SGCD: variants seen among roughly 807,000 people sequenced by gnomAD.
SGCD encodes sarcoglycan delta, also known as delta-sarcoglycan.
Under a neutral mutation model 36.6 loss-of-function variants are expected in SGCD, and 18 were observed. The observed-to-expected ratio is 0.49, with a 90% CI of 0.34 to 0.73. The LOEUF is 0.73. Ranked by LOEUF, SGCD falls within the 30% of genes least tolerant of loss-of-function variation. The pLI, the probability that SGCD is intolerant of heterozygous loss-of-function variation, is 0.01. For missense variants in SGCD, 387 were observed against 346.7 expected (o/e 1.12, Z -0.92); for synonymous variants, 133 against 130.6 (o/e 1.02, Z -0.12).
intron 3 of SGCD, among the ~76,000 whole-genome samples, chr5:156,183,835 C>T (rs1230665954): frequency 6.6e-6 from 1 of 152,076 alleles, no homozygotes; most frequent in Non-Finnish European, 1.5e-5. Flanking sequence ...AGAGTTCAAT[C>T]CTCATCTTCT....
chr5:156,504,958 A>G (rs922290601), intron 3 of SGCD, among the ~76,000 whole-genome samples: 1 of 152,232 alleles, frequency 6.6e-6, no homozygotes, highest in African/African-American at 2.4e-5. Context: ...AAACATATCA[A>G]TGTCTTCTGA....
At chr5:156,156,166 G>A (rs1384017954) in intron 3 of SGCD, among the ~76,000 whole-genome samples, 2 of 151,636 alleles carry the variant, frequency 1.3e-5, no homozygotes, top group African/African-American at 4.9e-5. Flanking sequence ...TCTTAAAGAT[G>A]TTGTAATGCG....
rs377084472 is a variant in SGCD at position 156,601,075 on chromosome 5, C to A, written c.502+6024C>A. 4.6e-4 allele frequency among the ~76,000 whole-genome samples: 70 copies of A among 152,268 alleles called. No homozygotes were observed. In the South Asian group the frequency reaches 6.6e-3, roughly 14 times the overall value. ...TCCTGTCAGATGTATAGTTTGTCAA[C>A]ATTTTCTTCCATGTAGTTGGTTGTC... On this transcript the variant is annotated intron_variant, in intron 6 of 8. Transcript: ENST00000337851.
At chr5:156,333,092 C>T (rs566095885) in intron 2 of SGCD, among the ~76,000 whole-genome samples, 4 of 152,224 alleles carry the variant, frequency 2.6e-5, no homozygotes, top group South Asian at 2.1e-4. Flanking sequence ...TGACCAAAAA[C>T]GAGATGAGCA....
At chr5:156,441,035 A>G (rs768372189) in intron 3 of SGCD, among the ~76,000 whole-genome samples, 1 of 152,138 alleles carries the variant, frequency 6.6e-6, no homozygotes, top group African/African-American at 2.4e-5. Flanking sequence ...TGGCATTTCA[A>G]TGGGACTCTT....
At chr5:156,687,706 T>C (rs1186562056) in intron 7 of SGCD, among the ~76,000 whole-genome samples, 1 of 152,194 alleles carries the variant, frequency 6.6e-6, no homozygotes, top group Non-Finnish European at 1.5e-5. Context: ...AAATTGCTAT[T>C]TGCTGACAAG....
At chr5:156,175,434 T>G (rs1021119149) in intron 3 of SGCD, among the ~76,000 whole-genome samples, 1 of 152,138 alleles carries the variant, frequency 6.6e-6, no homozygotes, top group Non-Finnish European at 1.5e-5. Context: ...TCGTGTACCT[T>G]AACATTTACC....
At chr5:156,598,479 T>C (rs1236113790) in intron 6 of SGCD, among the ~76,000 whole-genome samples, 1 of 152,050 alleles carries the variant, frequency 6.6e-6, no homozygotes, top group African/African-American at 2.4e-5. Flanking sequence ...GTGGTGGAGG[T>C]TGCAGAGAGC....
chr5:156,378,590 A>G (rs1318932414), intron 3 of SGCD, among the ~76,000 whole-genome samples: 1 of 152,164 alleles, frequency 6.6e-6, no homozygotes, highest in Non-Finnish European at 1.5e-5. Flanking sequence ...CATGACCATC[A>G]ATAAGCTCCC....
At chr5:156,186,327 T>C (rs1257784343) in intron 3 of SGCD, among the ~76,000 whole-genome samples, 1 of 152,158 alleles carries the variant, frequency 6.6e-6, no homozygotes, top group Non-Finnish European at 1.5e-5. Flanking sequence ...GGTTGTAATC[T>C]ATGTTGATAT....
chr5:156,195,139 A>G (rs1292298542), intron 3 of SGCD, among the ~76,000 whole-genome samples: 2 of 152,210 alleles, frequency 1.3e-5, no homozygotes, highest in Admixed American at 1.3e-4. Context: ...GTGTTGTCAA[A>G]ATTATTAACT....
chr5:156,239,703 C>T (rs1039714075), intron 3 of SGCD, among the ~76,000 whole-genome samples: 3 of 152,160 alleles, frequency 2.0e-5, no homozygotes, highest in African/African-American at 4.8e-5. Context: ...AGTTTATCAC[C>T]TATTTACCAG....
At position 156,032,706 on chromosome 5, in the gene SGCD, C is replaced by CAAAAAAAAAAAAAAAAAA. The variant is rs1171072619; in HGVS notation, c.-281-85159_-281-85142dup. On this transcript the variant is annotated intron_variant, in intron 1 of 9. Transcript: ENST00000517913. ...TGGGCGACAGAGCAAGACTCCGTCT[C>CAAAAAAAAAAAAAAAAAA]AAAAAAAAAAAAAAAAAAAAAAAAA... Among the ~76,000 whole-genome samples, 13 of 15,068 alleles carry CAAAAAAAAAAAAAAAAAA rather than the reference C, an allele frequency of 8.6e-4. 2 individuals carry two copies. The highest frequency in any genetic ancestry group is 1.6e-3 in the African/African-American group (11 of 6,708). The allele number at this position is 15,068 out of a possible 152,430, so 9.9% of individuals were successfully genotyped here.
At chr5:156,640,211 T>G (rs980815841) in intron 6 of SGCD, among the ~76,000 whole-genome samples, 2 of 152,118 alleles carry the variant, frequency 1.3e-5, no homozygotes, top group African/African-American at 4.8e-5. Context: ...CCATGAAATC[T>G]TACTATCATA....
At chr5:156,497,091 T>C (rs1195346362) in intron 3 of SGCD, among the ~76,000 whole-genome samples, 6 of 152,058 alleles carry the variant, frequency 3.9e-5, no homozygotes, top group African/African-American at 1.4e-4. Context: ...ACTCTAACAC[T>C]TGCAGTCTGG....
chr5:156,381,001 T>G (rs147540445), intron 3 of SGCD, among the ~76,000 whole-genome samples: 20 of 152,282 alleles, frequency 1.3e-4, no homozygotes, highest in Non-Finnish European at 2.8e-4. Context: ...GAGTAAATGA[T>G]GAAATTCTCC....
Position 156,761,009 on chromosome 5 carries a change from A to T in SGCD, c.*1619A>T, listed in dbSNP as rs1312392237. 6.6e-6 allele frequency: 1 copy of T among 152,242 alleles called. No individual in the cohort carries two copies. Among genetic ancestry groups the T allele is most frequent in the Admixed American group, 6.5e-5 (1 of 15,286 alleles). 9.4% of individuals were successfully genotyped at this position (152,242 alleles called of 1,614,324 possible). On this transcript the variant is annotated 3_prime_UTR_variant, in exon 9 of 9. Coordinates refer to ENST00000337851, the MANE Select transcript of SGCD (RefSeq NM_000337.6). ...CAGTCCTGGATGCCATTTGGAAAGT[A>T]GTGGCCCTGCAAGCCTAAATGAAGT...
intron 1 of SGCD, among the ~76,000 whole-genome samples, chr5:156,095,434 T>C (rs986665258): frequency 1.3e-4 from 20 of 152,288 alleles, no homozygotes; most frequent in African/African-American, 3.6e-4. Flanking sequence ...GGGTTAGAGA[T>C]TTATCCCAGA....
intron 3 of SGCD, among the ~76,000 whole-genome samples, chr5:156,414,854 A>G (rs997099339): frequency 3.5e-4 from 54 of 152,238 alleles, no homozygotes; most frequent in African/African-American, 1.2e-3. Context: ...ACAATGAGCA[A>G]TGATTGCTTT....
Sources: allele counts gnomAD v4.1 joint callset (sites outside exome capture counted in the v4.1 genomes callset), GRCh38; gene constraint gnomAD v4.1.1; transcripts MANE v1.5; gene names NCBI Gene and HGNC (gene_info 2026-07-23, HGNC 2026-07-21).